Variants in PCDHGB4 observed in about 807,000 individuals in gnomAD.
PCDHGB4 encodes protocadherin gamma-B4.
Under a neutral mutation model 60.5 loss-of-function variants are expected in PCDHGB4, and 38 were observed. The ratio of observed to expected loss-of-function variants is 0.63; its 90% CI spans 0.48 to 0.82. The LOEUF (loss-of-function observed/expected upper bound fraction) is 0.82, where lower values mean the gene tolerates loss of function less well. Among genes scored for constraint, PCDHGB4 ranks in the 40% least tolerant of loss-of-function variants. The pLI, the probability that PCDHGB4 is intolerant of heterozygous loss-of-function variation, is 0.00. For missense variants in PCDHGB4, 1,109 were observed against 1,209.6 expected, an observed-to-expected ratio of 0.92 and a Z score of 1.23; for synonymous variants, 456 against 509.7, an observed-to-expected ratio of 0.89 and a Z score of 1.42.
chr5:141,405,446 G>A, intron 1 of PCDHGB4: 1 of 1,338,140 alleles, frequency 7.5e-7, no homozygotes, highest in Non-Finnish European at 1.0e-6. Flanking sequence ...TTGAGACAGA[G>A]TCTTACTCTG....
intron 2 of PCDHGB4, among the ~76,000 whole-genome samples, chr5:141,496,116 C>G (rs1435887981): frequency 6.6e-6 from 1 of 152,178 alleles, no homozygotes; most frequent in Middle Eastern, 3.4e-3. Flanking sequence ...TCTCTTCCTT[C>G]CCTGCCCCTC....
intron 1 of PCDHGB4, chr5:141,410,320 C>A (rs752279818): frequency 6.2e-7 from 1 of 1,613,998 alleles, no homozygotes; most frequent in Non-Finnish European, 8.5e-7. Context: ...TCCTCCTCGC[C>A]GTGATTCTGG....
intron 2 of PCDHGB4, among the ~76,000 whole-genome samples, chr5:141,502,845 T>G (rs2099816267): frequency 6.8e-6 from 1 of 147,606 alleles, no homozygotes; most frequent in South Asian, 2.1e-4. Context: ...CTGGCTGAGC[T>G]GCCTAACCCT....
Position 141,388,278 on chromosome 5 carries a change from A to G in PCDHGB4, c.394A>G (p.Lys132Glu), listed in dbSNP as rs769879098. The G allele has an allele frequency of 1.9e-6, 3 of 1,613,502 alleles. No individual in the cohort carries two copies. The highest frequency in any genetic ancestry group is 2.2e-5 in the East Asian group (1 of 44,868). ...CGAGGACATTAATGACCACACGCCA[A>G]AATTCACGCAAAATTCCTTTGAGCT... The part of the protein sequence containing the change: ...EIEDINDHTP[K>E]FTQNSFELQI... Residue 132 changes from lysine to glutamate, a missense_variant, in exon 1 of 4, where the codon AAA (lysine) becomes GAA (glutamate). By Grantham distance (56) the Lys-to-Glu change is moderately conservative. This residue lies in a region of PCDHGB4 where 1,068 missense variants were observed against 1,089.9 expected (regional missense o/e 0.98). Coordinates refer to ENST00000519479, the MANE Select transcript of PCDHGB4 (RefSeq NM_003736.4).
intron 1 of PCDHGB4, chr5:141,409,356 A>G: frequency 6.2e-7 from 1 of 1,614,004 alleles, no homozygotes; most frequent in Non-Finnish European, 8.5e-7. Context: ...GTCAGGTGTA[A>G]TATAGAAACA....
At chr5:141,433,655 G>T (rs1227358856) in intron 1 of PCDHGB4, among the ~76,000 whole-genome samples, 2 of 152,036 alleles carry the variant, frequency 1.3e-5, no homozygotes, top group Non-Finnish European at 1.5e-5. Flanking sequence ...GACCAACATG[G>T]AGAAACCCCG....
In PCDHGB4 at chr5:141,423,110, G is replaced by A. The variant is rs62621243; in HGVS notation, c.2397+32829G>A. On this transcript the variant is annotated intron_variant, in intron 1 of 3. Coordinates refer to ENST00000519479, the MANE Select transcript of PCDHGB4 (RefSeq NM_003736.4). ...GTGGGGGAGCACACGGGCGAGGTGC[G>A]TACAGCGCGGGCACTGCTGGACAGA... The A allele has an allele frequency of 0.016, 25,324 of 1,613,842 alleles. 257 individuals carry two copies. Among genetic ancestry groups the A allele is most frequent in the Non-Finnish European group, 0.019 (22,060 of 1,179,980 alleles).
intron 1 of PCDHGB4, chr5:141,418,522 C>A: frequency 6.2e-7 from 1 of 1,614,000 alleles, no homozygotes; most frequent in Non-Finnish European, 8.5e-7. Flanking sequence ...GGGACCCTCC[C>A]CGAAGCGGTA....
chr5:141,446,775 T>C (rs1175892018), intron 1 of PCDHGB4, among the ~76,000 whole-genome samples: 2 of 152,188 alleles, frequency 1.3e-5, no homozygotes, highest in Admixed American at 6.5e-5. Context: ...CCGGTTACCA[T>C]TCTTTTACTC....
intron 1 of PCDHGB4, among the ~76,000 whole-genome samples, chr5:141,426,005 G>A (rs189148799): frequency 4.1e-4 from 63 of 152,202 alleles, no homozygotes; most frequent in Admixed American, 2.1e-3. Flanking sequence ...AAAGGCTTCC[G>A]GCTGCAGTTT....
At chr5:141,465,094 GT>G (rs138941665) in intron 1 of PCDHGB4, among the ~76,000 whole-genome samples, 203 of 148,178 alleles carry the variant, frequency 1.4e-3, no homozygotes, top group Admixed American at 7.3e-3. Context: ...TTTTCTAGTA[GT>G]TTTTTTTTTA....
chr5:141,400,314 C>G (rs764415393), intron 1 of PCDHGB4: 1 of 1,614,078 alleles, frequency 6.2e-7, no homozygotes, highest in Non-Finnish European at 8.5e-7. Flanking sequence ...GTCTCTGTGT[C>G]AAGTCTGGAC....
At chr5:141,390,324 A>G in intron 1 of PCDHGB4, 43 bp downstream of exon 1, 2 of 1,605,484 alleles carry the variant, frequency 1.2e-6, no homozygotes, top group East Asian at 4.5e-5. Flanking sequence ...TTGCCTACCC[A>G]TTTCTCCATA....
Position 141,493,022 on chromosome 5 carries a change from G to T in PCDHGB4, c.2398-1785G>T, listed in dbSNP as rs1184742888. ...GCTATAGGCTCTGCCAGATGCCAGG[G>T]TGCCCTTATGTGTGAGGAAACTACA... On this transcript the variant is annotated intron_variant, in intron 1 of 3. Transcript: ENST00000519479. The surrounding 1 kb of genome is among the most constrained non-coding windows in gnomAD (Gnocchi z 4.3). Among the ~76,000 whole-genome samples the T allele has an allele frequency of 1.3e-5, 2 of 152,222 alleles. No individual in the cohort carries two copies. Among genetic ancestry groups the T allele is most frequent in the Admixed American group, 1.3e-4 (2 of 15,282 alleles).
Position 141,491,964 on chromosome 5 carries a change from C to A in PCDHGB4, c.2398-2843C>A. On this transcript the variant is annotated intron_variant, in intron 1 of 3. Transcript: ENST00000519479. The surrounding 1 kb of genome is among the most constrained non-coding windows in gnomAD (Gnocchi z 6.9). ...CCCCACCCCTACACTCAAAAAAGGC[C>A]GGGGCCTCCTTCGAGCTTCCGGTGA... The A allele has an allele frequency of 1.1e-6, 1 of 943,952 alleles. No homozygotes were observed. The highest frequency in any genetic ancestry group is 1.5e-6 in the Non-Finnish European group (1 of 671,094). 58.5% of individuals were successfully genotyped at this position (943,952 alleles called of 1,614,324 possible). A position where few individuals can be genotyped will look rare whatever the true frequency, so the allele number is the denominator to read the frequency against.
intron 1 of PCDHGB4, among the ~76,000 whole-genome samples, chr5:141,481,863 G>A (rs182704348): frequency 8.8e-4 from 130 of 147,602 alleles, no homozygotes; most frequent in African/African-American, 3.3e-3. Flanking sequence ...GCAGTGAGCC[G>A]AGATCGCGCC....
At chr5:141,428,044 C>A in intron 1 of PCDHGB4, 1 of 1,608,790 alleles carries the variant, frequency 6.2e-7, no homozygotes, top group Non-Finnish European at 8.5e-7. Context: ...TACCTGGTGA[C>A]CAAGGTGGTG....
intron 1 of PCDHGB4, among the ~76,000 whole-genome samples, chr5:141,482,988 G>A (rs982148755): frequency 2.6e-5 from 4 of 152,112 alleles, no homozygotes; most frequent in South Asian, 2.1e-4. Context: ...GAGAGGTCGA[G>A]GCAGGAGAAT....
Position 141,477,917 on chromosome 5 carries a change from G to C in PCDHGB4, c.2398-16890G>C. 6.2e-7 allele frequency: 1 copy of C among 1,614,186 alleles called. No individual in the cohort carries two copies. The highest frequency in any genetic ancestry group is 2.2e-5 in the East Asian group (1 of 44,868). On this transcript the variant is annotated intron_variant, in intron 1 of 3. Transcript: ENST00000519479. The surrounding 1 kb of genome is among the most constrained non-coding windows in gnomAD (Gnocchi z 4.9). ...GGTGGTAGGCTGGGACGCGGATGCA[G>C]GGCACAATGCCTGGCTCTCCTACAG...
Sources: gnomAD v4.1 joint callset for allele counts (sites outside exome capture counted in the v4.1 genomes callset) on GRCh38, gnomAD v4.1.1 for gene constraint, gnomAD v4.1.1 regional missense constraint, Gnocchi (gnomAD v3.1) non-coding constraint, MANE v1.5 for transcripts, NCBI Gene and HGNC (gene_info 2026-07-23, HGNC 2026-07-21) for gene names.